Variants in MRPS9 observed in about 807,000 individuals in gnomAD.
MRPS9 encodes small ribosomal subunit protein uS9m.
MRPS9 carries 45 observed loss-of-function variants against 59.9 expected under a neutral mutation model. That is an observed-to-expected ratio of 0.75 (90% CI 0.59 to 0.96). The LOEUF (loss-of-function observed/expected upper bound fraction) is 0.96. Among genes scored for constraint, MRPS9 ranks in the 40% least tolerant of loss-of-function variants. The pLI is 0.00. For synonymous variants in MRPS9, 171 were observed against 166.8 expected, an observed-to-expected ratio of 1.03 and a Z score of -0.19; for missense variants, 473 against 481.1, an observed-to-expected ratio of 0.98 and a Z score of 0.16.
chr2:105,086,864 G>A (rs553667209), intron 5 of MRPS9, among the ~76,000 whole-genome samples: 2 of 152,294 alleles, frequency 1.3e-5, no homozygotes, highest in South Asian at 2.1e-4. Context: ...TGCTGGGTGC[G>A]CAGTGGCATG....
At chr2:105,049,115 C>A in intron 1 of MRPS9, 56 bp from the exon 2 acceptor site, 1 of 1,177,022 alleles carries the variant, frequency 8.5e-7, no homozygotes. Context: ...GGACAATGGC[C>A]TAGAAGATCA....
chr2:105,068,630 T>C (rs1680046501), intron 2 of MRPS9, among the ~76,000 whole-genome samples: 2 of 152,216 alleles, frequency 1.3e-5, no homozygotes, highest in Admixed American at 6.5e-5. Flanking sequence ...GAGAAATCAT[T>C]TTTATTGGTT....
At chr2:105,072,579 T>C (rs902217376) in intron 4 of MRPS9, among the ~76,000 whole-genome samples, 3 of 152,184 alleles carry the variant, frequency 2.0e-5, no homozygotes, top group East Asian at 3.8e-4. Context: ...TAAACATAAC[T>C]ATTAGTAAGC....
At chr2:105,053,195 T>C (rs1356841933) in intron 2 of MRPS9, among the ~76,000 whole-genome samples, 1 of 152,246 alleles carries the variant, frequency 6.6e-6, no homozygotes, top group Non-Finnish European at 1.5e-5. Context: ...ACATGAATTT[T>C]GTTGTTTGGA....
In MRPS9 at chr2:105,063,223, C is replaced by T. The variant is rs572282107; in HGVS notation, c.316-8090C>T. Among the ~76,000 whole-genome samples, 640 of 152,318 alleles carry T rather than the reference C, an allele frequency of 4.2e-3. 5 individuals carry two copies. The highest frequency in any genetic ancestry group is 0.015 in the African/African-American group (606 of 41,560). ...AGTCAAGGCTGTAGTGCGCCATGAT[C>T]ACATCTGTGAATAGCCACTGCTCTC... On this transcript the variant is annotated intron_variant, in intron 2 of 10. Transcript: ENST00000258455.
intron 2 of MRPS9, among the ~76,000 whole-genome samples, chr2:105,070,161 C>T (rs1252722668): frequency 6.6e-6 from 1 of 152,126 alleles, no homozygotes; most frequent in Non-Finnish European, 1.5e-5. Flanking sequence ...GCACTCCAGC[C>T]TGCGTGACAA....
At chr2:105,079,941 G>A in intron 4 of MRPS9, 42 bp from the exon 5 acceptor site, 2 of 1,448,582 alleles carry the variant, frequency 1.4e-6, no homozygotes, top group Non-Finnish European at 9.7e-7. Flanking sequence ...GTCTGTCTCT[G>A]TGTATATTTT....
At chr2:105,074,575 G>T (rs1252406921) in intron 4 of MRPS9, among the ~76,000 whole-genome samples, 13 of 152,266 alleles carry the variant, frequency 8.5e-5, no homozygotes, top group Non-Finnish European at 1.6e-4. Flanking sequence ...TTCACAACAG[G>T]TTTTTTAAGT....
intron 2 of MRPS9, among the ~76,000 whole-genome samples, chr2:105,061,109 CAAAAAAAAAAAAAAAA>C (rs751155585): frequency 2.1e-5 from 1 of 47,982 alleles, no homozygotes; most frequent in Non-Finnish European, 3.8e-5. Flanking sequence ...GACTCTGTCT[CAAAAAAAAAAAAAAAA>C]AAAAAAAAAA....
At chr2:105,046,595 A>T in intron 1 of MRPS9, among the ~76,000 whole-genome samples, 1 of 151,776 alleles carries the variant, frequency 6.6e-6, no homozygotes, top group South Asian at 2.1e-4. Flanking sequence ...ATTTGAACGC[A>T]TCACTTTCCT....
chr2:105,099,499 A>C (rs550307595), intron 10 of MRPS9, among the ~76,000 whole-genome samples, 171 bp from the exon 11 acceptor site: 1 of 152,324 alleles, frequency 6.6e-6, no homozygotes, highest in African/African-American at 2.4e-5. Context: ...AAAGAGTGGA[A>C]GCAAACTGCC....
At chr2:105,059,700 G>T (rs1679860474) in intron 2 of MRPS9, among the ~76,000 whole-genome samples, 2 of 151,906 alleles carry the variant, frequency 1.3e-5, no homozygotes, top group Non-Finnish European at 2.9e-5. Context: ...ATTCTGTCAT[G>T]GTTGGTAAAC....
chr2:105,059,506 T>G (rs1679856218), intron 2 of MRPS9, among the ~76,000 whole-genome samples: 1 of 152,146 alleles, frequency 6.6e-6, no homozygotes, highest in Non-Finnish European at 1.5e-5. Context: ...AGCAGGATTG[T>G]TTTGAAGCTT....
At chr2:105,062,636 T>G (rs1408968212) in intron 2 of MRPS9, among the ~76,000 whole-genome samples, 1 of 152,232 alleles carries the variant, frequency 6.6e-6, no homozygotes, top group East Asian at 1.9e-4. Context: ...TAATGAAGTT[T>G]AAAAAACCTT....
intron 2 of MRPS9, among the ~76,000 whole-genome samples, chr2:105,061,849 T>C (rs1275606288): frequency 9.9e-5 from 15 of 152,168 alleles, no homozygotes; most frequent in Admixed American, 9.8e-4. Context: ...GCTTGTCATT[T>C]TGCTTTGTTG....
At chr2:105,074,804 A>T (rs1330985071) in intron 4 of MRPS9, among the ~76,000 whole-genome samples, 1 of 152,174 alleles carries the variant, frequency 6.6e-6, no homozygotes, top group Non-Finnish European at 1.5e-5. Flanking sequence ...AATCAGGAGA[A>T]TAGTGGTTAA....
At chr2:105,038,663 TTTG>T (rs1489914726) in intron 1 of MRPS9, among the ~76,000 whole-genome samples, 3 of 152,014 alleles carry the variant, frequency 2.0e-5, no homozygotes, top group Non-Finnish European at 4.4e-5. Flanking sequence ...ACAGTGACTT[TTTG>T]AAAGTGCCTT....
intron 2 of MRPS9, among the ~76,000 whole-genome samples, chr2:105,051,681 C>T (rs191660162): frequency 5.9e-4 from 90 of 152,184 alleles, no homozygotes; most frequent in Admixed American, 9.8e-4. Flanking sequence ...CATGGGGTGT[C>T]CCTCTATAGA....
At chr2:105,053,826 ATTGTG>A (rs1679753709) in intron 2 of MRPS9, among the ~76,000 whole-genome samples, 1 of 152,178 alleles carries the variant, frequency 6.6e-6, no homozygotes, top group Non-Finnish European at 1.5e-5. Context: ...ATCTTGTGTG[ATTGTG>A]TTAACAGAAT....
Sources: allele counts gnomAD v4.1 joint callset (sites outside exome capture counted in the v4.1 genomes callset), GRCh38; gene constraint gnomAD v4.1.1; transcripts MANE v1.5; gene names NCBI Gene and HGNC (gene_info 2026-07-23, HGNC 2026-07-21).